Variants in TBCA observed in about 807,000 individuals in gnomAD.
TBCA encodes tubulin-specific chaperone A.
In TBCA, 6 loss-of-function variants were observed where a neutral mutation model predicts 15.8. The ratio of observed to expected loss-of-function variants is 0.38; its 90% CI spans 0.21 to 0.75. TBCA has a LOEUF of 0.75. Ranked by LOEUF, TBCA falls within the 30% of genes least tolerant of loss-of-function variation. The pLI is 0.46. For synonymous variants in TBCA, 32 were observed against 42.3 expected (o/e 0.76, Z 0.94); for missense variants, 90 against 131.2 (o/e 0.69, Z 1.53).
At chr5:77,695,803 C>A (rs1235380764) in intron 2 of TBCA, among the ~76,000 whole-genome samples, 1 of 152,146 alleles carries the variant, frequency 6.6e-6, no homozygotes, top group Non-Finnish European at 1.5e-5. Flanking sequence ...AGGATCTTGG[C>A]ACAGACTGGG....
At chr5:77,699,033 C>CAAAAAAAAAAAAAA (rs71608119) in intron 2 of TBCA, among the ~76,000 whole-genome samples, 10 of 70,082 alleles carry the variant, frequency 1.4e-4, no homozygotes, top group African/African-American at 1.9e-4. Context: ...GCAAGAGCAT[C>CAAAAAAAAAAAAAA]AAAAAAAAAA....
At chr5:77,711,735 T>C (rs1746282070) in intron 1 of TBCA, among the ~76,000 whole-genome samples, 1 of 152,182 alleles carries the variant, frequency 6.6e-6, no homozygotes, top group African/African-American at 2.4e-5. Flanking sequence ...TAATTCTGAC[T>C]GGTAATCCAA....
intron 1 of TBCA, among the ~76,000 whole-genome samples, chr5:77,761,702 T>C (rs1747645507): frequency 6.6e-6 from 1 of 152,188 alleles, no homozygotes; most frequent in Non-Finnish European, 1.5e-5. Context: ...AATCACTTTT[T>C]TTTTTTTTTG....
intron 1 of TBCA, among the ~76,000 whole-genome samples, chr5:77,710,312 T>C (rs1746246594): frequency 6.6e-6 from 1 of 152,228 alleles, no homozygotes. Flanking sequence ...ATTTGATTTA[T>C]AATTTAAAAT....
intron 1 of TBCA, among the ~76,000 whole-genome samples, chr5:77,761,002 CGTCTGGG>C (rs1217963793): frequency 5.3e-5 from 8 of 150,828 alleles, no homozygotes; most frequent in Admixed American, 6.6e-5. Flanking sequence ...GCCGCCACCC[CGTCTGGG>C]AAGTGAGGAG....
At chr5:77,698,621 G>T (rs764094601) in intron 2 of TBCA, among the ~76,000 whole-genome samples, 110 of 152,020 alleles carry the variant, frequency 7.2e-4, no homozygotes, top group South Asian at 1.2e-3. Context: ...AATCTTTCAA[G>T]AAAACAGAAA....
intron 1 of TBCA, among the ~76,000 whole-genome samples, chr5:77,751,162 T>TC (rs1472976802): frequency 5.5e-3 from 39 of 7,142 alleles, no homozygotes; most frequent in Non-Finnish European, 0.031. Context: ...TTTCTTTCTT[T>TC]TTTTTTTTTT....
chr5:77,739,743 C>A lies in TBCA; in HGVS notation c.54-31396G>T, dbSNP rs997825495. The stretch of plus-strand genomic sequence containing the variant: ...TCTTATATCTTCTTCTTTTGAACTA[C>A]AGTGGCAAGTAAAAGGCACCCTGGG... On this transcript the variant is annotated intron_variant, in intron 1 of 3. Coordinates refer to ENST00000380377, the MANE Select transcript of TBCA (RefSeq NM_004607.3). Among the ~76,000 whole-genome samples, 5 of 152,146 alleles carry A rather than the reference C, an allele frequency of 3.3e-5. No homozygotes were observed. In the East Asian group the frequency reaches 5.8e-4, roughly 18 times the overall value.
chr5:77,756,630 A>G (rs750554787), intron 1 of TBCA, among the ~76,000 whole-genome samples: 144 of 90,828 alleles, frequency 1.6e-3, no homozygotes, highest in Middle Eastern at 0.013. Context: ...TCCTAAGAGG[A>G]AAAAAAAAAA....
intron 1 of TBCA, among the ~76,000 whole-genome samples, chr5:77,721,576 G>T (rs886311159): frequency 2.0e-5 from 3 of 152,056 alleles, no homozygotes; most frequent in African/African-American, 7.2e-5. Flanking sequence ...ATATGTTAAA[G>T]GGTCCATTTT....
chr5:77,725,582 C>T (rs1048317251), intron 1 of TBCA, among the ~76,000 whole-genome samples: 1 of 152,146 alleles, frequency 6.6e-6, no homozygotes, highest in African/African-American at 2.4e-5. Flanking sequence ...GTTGTCGGCA[C>T]GACAACAAAG....
At chr5:77,711,039 T>TA (rs1402988159) in intron 1 of TBCA, among the ~76,000 whole-genome samples, 2 of 152,056 alleles carry the variant, frequency 1.3e-5, no homozygotes, top group African/African-American at 4.8e-5. Context: ...TAAACAGGGG[T>TA]AGGCAAACTA....
At chr5:77,725,737 A>AT (rs1242378842) in intron 1 of TBCA, among the ~76,000 whole-genome samples, 1 of 152,150 alleles carries the variant, frequency 6.6e-6, no homozygotes, top group East Asian at 1.9e-4. Context: ...ATTACCAGTA[A>AT]TTTTAATATC....
At chr5:77,717,205 G>A (rs972072872) in intron 1 of TBCA, among the ~76,000 whole-genome samples, 3 of 152,272 alleles carry the variant, frequency 2.0e-5, no homozygotes, top group East Asian at 1.9e-4. Flanking sequence ...TATTGCAGGC[G>A]ATAATAAATA....
At chr5:77,768,557 C>A (rs1310850358) in intron 1 of TBCA, among the ~76,000 whole-genome samples, 1 of 152,146 alleles carries the variant, frequency 6.6e-6, no homozygotes, top group African/African-American at 2.4e-5. Context: ...TACTGCTTAT[C>A]CGATCAGGTT....
intron 1 of TBCA, among the ~76,000 whole-genome samples, chr5:77,717,974 T>C (rs768622695): frequency 2.0e-4 from 28 of 137,862 alleles, no homozygotes; most frequent in Middle Eastern, 4.7e-3. Flanking sequence ...TACTAAAAAA[T>C]ACAAAATTAG....
chr5:77,707,031 T>C (rs955565035), intron 2 of TBCA, among the ~76,000 whole-genome samples: 1 of 152,002 alleles, frequency 6.6e-6, no homozygotes, highest in Admixed American at 6.6e-5. Context: ...TAGTGTGAAA[T>C]CAAGATTTTA....
intron 1 of TBCA, among the ~76,000 whole-genome samples, chr5:77,744,531 C>CGTTT (rs145894415): frequency 1.2e-5 from 1 of 82,968 alleles, no homozygotes. Context: ...TCTTATTCAC[C>CGTTT]TTTTTTTTTT....
chr5:77,756,907 C>T (rs2112500931), intron 1 of TBCA, among the ~76,000 whole-genome samples: 1 of 151,812 alleles, frequency 6.6e-6, no homozygotes, highest in East Asian at 1.9e-4. Context: ...TTTAAGAGTT[C>T]GAGTCATTAA....
Sources: allele counts gnomAD v4.1 joint callset (sites outside exome capture counted in the v4.1 genomes callset), GRCh38; gene constraint gnomAD v4.1.1; transcripts MANE v1.5; gene names NCBI Gene and HGNC (gene_info 2026-07-23, HGNC 2026-07-21).